CAST: variants seen among roughly 807,000 people sequenced by gnomAD.
CAST encodes MIR583 host.
In CAST, 76 loss-of-function variants were observed where a neutral mutation model predicts 119.6. The observed-to-expected ratio is 0.64, with a 90% confidence interval of 0.53 to 0.77. The LOEUF (loss-of-function observed/expected upper bound fraction) is 0.77, where lower values mean the gene tolerates loss of function less well. Ranked by LOEUF, CAST falls within the 30% of genes least tolerant of loss-of-function variation. The pLI, the probability that CAST is intolerant of heterozygous loss-of-function variation, is 0.00. For missense variants in CAST, 953 were observed against 946.5 expected, an observed-to-expected ratio of 1.01 and a Z score of -0.09; for synonymous variants, 319 against 331.6, an observed-to-expected ratio of 0.96 and a Z score of 0.41.
At chr5:96,758,263 T>C (rs920890066) in intron 24 of CAST, among the ~76,000 whole-genome samples, 6 of 152,222 alleles carry the variant, frequency 3.9e-5, no homozygotes, top group Admixed American at 1.3e-4. Flanking sequence ...CTACAATTTA[T>C]CATTTCCCAA....
chr5:96,118,743 G>T, the CAST span, among the ~76,000 whole-genome samples: 1 of 152,014 alleles, frequency 6.6e-6, no homozygotes, highest in East Asian at 1.9e-4. Flanking sequence ...GAGGAAGAAG[G>T]TTGGGGCTGG....
the CAST span, among the ~76,000 whole-genome samples, chr5:96,280,030 G>C: frequency 6.6e-6 from 1 of 152,124 alleles, no homozygotes; most frequent in Non-Finnish European, 1.5e-5. Flanking sequence ...TGTTTTCTGT[G>C]GTTCAGAAAC....
At chr5:96,635,684 CACAA>C (rs954692352) in intron 1 of CAST, among the ~76,000 whole-genome samples, 14 of 152,286 alleles carry the variant, frequency 9.2e-5, no homozygotes, top group African/African-American at 2.6e-4. Flanking sequence ...TAGTGAAAAT[CACAA>C]ACAGTCAATG....
the CAST span, among the ~76,000 whole-genome samples, chr5:96,246,187 C>CTTTTTTTTT: frequency 1.8e-4 from 14 of 76,386 alleles, 2 homozygotes; most frequent in Non-Finnish European, 2.4e-4. Context: ...GTCTGTCTTC[C>CTTTTTTTTT]TTTTTTTTTT....
the CAST span, among the ~76,000 whole-genome samples, chr5:96,171,637 G>A: frequency 1.3e-5 from 2 of 152,202 alleles, no homozygotes; most frequent in Non-Finnish European, 2.9e-5. Flanking sequence ...CCAGAGTTTT[G>A]GGTCCATGGA....
chr5:96,400,075 A>G, the CAST span: 2 of 1,614,158 alleles, frequency 1.2e-6, no homozygotes, highest in Non-Finnish European at 1.7e-6. Flanking sequence ...CAAATCGACT[A>G]TTCACCATCA....
At chr5:96,695,940 ACTGTAT>A (rs779360737) in intron 3 of CAST, 33 bp downstream of exon 3, 107 of 1,474,332 alleles carry the variant, frequency 7.3e-5, no homozygotes, top group Non-Finnish European at 9.0e-5. Context: ...AAAGACCCCT[ACTGTAT>A]TCTACAGGGA....
the CAST span, among the ~76,000 whole-genome samples, chr5:96,233,525 T>C: frequency 6.6e-6 from 1 of 152,276 alleles, no homozygotes; most frequent in Non-Finnish European, 1.5e-5. Context: ...GGATTAACTC[T>C]TTTAATTGAG....
the CAST span, among the ~76,000 whole-genome samples, chr5:96,143,424 C>G: frequency 6.6e-6 from 1 of 152,322 alleles, no homozygotes; most frequent in Admixed American, 6.5e-5. Flanking sequence ...ATCTAATCCC[C>G]TGACCCAGTT....
chr5:96,496,908 G>A, the CAST span, among the ~76,000 whole-genome samples: 2 of 151,714 alleles, frequency 1.3e-5, no homozygotes, highest in Admixed American at 6.6e-5. Context: ...TGTGCACGAC[G>A]TGCAGGTTAG....
intron 1 of CAST, among the ~76,000 whole-genome samples, chr5:96,608,282 G>T (rs1412417003): frequency 6.6e-6 from 1 of 152,134 alleles, no homozygotes; most frequent in Non-Finnish European, 1.5e-5. Flanking sequence ...GAATGTCCTA[G>T]GTTTAATCCC....
chr5:96,112,599 C>T, the CAST span, among the ~76,000 whole-genome samples: 806 of 152,084 alleles, frequency 5.3e-3, 5 homozygotes, highest in Non-Finnish European at 6.5e-3. Flanking sequence ...GAAGCAGAAA[C>T]GAGAGAAAAT....
intron 12 of CAST, 58 bp from the exon 13 acceptor site, chr5:96,740,687 G>A: frequency 8.1e-7 from 1 of 1,238,762 alleles, no homozygotes; most frequent in Non-Finnish European, 1.2e-6. Flanking sequence ...AATACATTTT[G>A]CCGATCTTAA....
At chr5:96,020,465 G>A in the CAST span, among the ~76,000 whole-genome samples, 1 of 152,214 alleles carries the variant, frequency 6.6e-6, no homozygotes, top group African/African-American at 2.4e-5. Context: ...GAGGTGAGCA[G>A]CAGAGCTTCA....
At chr5:96,234,530 A>G in the CAST span, among the ~76,000 whole-genome samples, 1 of 152,172 alleles carries the variant, frequency 6.6e-6, no homozygotes, top group Non-Finnish European at 1.5e-5. Context: ...GACAGGCCAC[A>G]GTTGGGGCAG....
the CAST span, among the ~76,000 whole-genome samples, chr5:96,349,884 C>G: frequency 5.9e-5 from 9 of 152,084 alleles, no homozygotes; most frequent in African/African-American, 2.2e-4. Flanking sequence ...AAGGAATAAG[C>G]TAGTGCAGTG....
the CAST span, among the ~76,000 whole-genome samples, chr5:96,196,073 A>C: frequency 1.3e-5 from 2 of 152,180 alleles, no homozygotes; most frequent in African/African-American, 4.8e-5. Flanking sequence ...TGAACTGGAC[A>C]GTTATCTCTA....
At chr5:96,551,649 T>C (rs1257931859) in intron 1 of CAST, among the ~76,000 whole-genome samples, 1 of 151,902 alleles carries the variant, frequency 6.6e-6, no homozygotes, top group Non-Finnish European at 1.5e-5. Context: ...TCAAGACCCA[T>C]CTGTGTTCTG....
chr5:95,965,925 CATTATT>C, the CAST span, among the ~76,000 whole-genome samples: 1 of 152,050 alleles, frequency 6.6e-6, no homozygotes, highest in African/African-American at 2.4e-5. Context: ...TGTTACATTG[CATTATT>C]ATTATTATCA....
Sources: allele counts gnomAD v4.1 joint callset (sites outside exome capture counted in the v4.1 genomes callset), GRCh38; gene constraint gnomAD v4.1.1; transcripts MANE v1.5; gene names NCBI Gene and HGNC (gene_info 2026-07-23, HGNC 2026-07-21).